NELFA: variants seen among roughly 807,000 people sequenced by gnomAD.
NELFA encodes negative elongation factor A.
In NELFA, 35 loss-of-function variants were observed where a neutral mutation model predicts 51.8. That is an observed-to-expected ratio of 0.68 (90% CI 0.52 to 0.90). The LOEUF is 0.90. NELFA is among the 40% of genes least tolerant of loss of function. The pLI is 0.00. For synonymous variants in NELFA, 417 were observed against 338.4 expected (o/e 1.23, Z -2.55); for missense variants, 658 against 746.4 (o/e 0.88, Z 1.38).
At chr4:2,000,142 TA>T (rs1210318595) in intron 1 of NELFA, among the ~76,000 whole-genome samples, 1 of 152,196 alleles carries the variant, frequency 6.6e-6, no homozygotes, top group Non-Finnish European at 1.5e-5. Flanking sequence ...GGGAAATTTA[TA>T]GCATTAAATG....
chr4:1,990,472 C>T (rs1393220235), intron 2 of NELFA: 1 of 456,604 alleles, frequency 2.2e-6, no homozygotes, highest in Non-Finnish European at 4.4e-6. Context: ...AGCCTTCCTG[C>T]CCGCGGGACA....
chr4:2,008,633 T>G (rs1240093607), intron 1 of NELFA, 117 bp downstream of exon 1: 1 of 1,177,438 alleles, frequency 8.5e-7, no homozygotes, highest in Admixed American at 2.8e-5. Flanking sequence ...GGGTTAACAG[T>G]CTGAAGGGGG....
chr4:2,000,484 A>G (rs1057046184), intron 1 of NELFA, among the ~76,000 whole-genome samples: 3 of 152,180 alleles, frequency 2.0e-5, no homozygotes, highest in Non-Finnish European at 4.4e-5. Flanking sequence ...AACTGACCCC[A>G]CAGAAATACA....
In NELFA at chr4:1,986,422, A is replaced by G. The variant is rs984129819; in HGVS notation, c.635-20T>C. On this transcript the variant is annotated intron_variant, in intron 4 of 10. Coordinates refer to ENST00000382882, the MANE Select transcript of NELFA (RefSeq NM_005663.5). ...GTGGGGCTGGAGGACGGCAACAGTC[A>G]GGGCGCCAGCAGCAGTGACCGGCAA... 1.2e-6 allele frequency: 2 copies of G among 1,612,554 alleles called. No homozygotes were observed. The highest frequency in any genetic ancestry group is 2.7e-5 in the African/African-American group (2 of 74,900).
At chr4:1,990,467 T>G (rs1395692164) in intron 2 of NELFA, 2 of 456,686 alleles carry the variant, frequency 4.4e-6, no homozygotes, top group Non-Finnish European at 8.8e-6. Flanking sequence ...GCCTCAGCCT[T>G]CCTGCCCGCG....
At chr4:1,987,276 G>A (rs961997514) in intron 4 of NELFA, among the ~76,000 whole-genome samples, 1 of 152,170 alleles carries the variant, frequency 6.6e-6, no homozygotes, top group Non-Finnish European at 1.5e-5. Flanking sequence ...AGCACAGGAC[G>A]ACACCCGTCC....
In NELFA at chr4:1,986,168, C is replaced by A; in HGVS notation, c.781G>T (p.Glu261Ter). ...ERGVKLLDIS[E>*]LDMVGAGREA... ...CGGCCAGCGCCAACCATATCCAGCT[C>A]AGAGATGTCCAGCAGCTGCCAAGAC... The change falls in exon 6 of 11, where the codon GAG (glutamate) becomes TAG (stop). Residue 261 changes from glutamate (E) to a stop codon, truncating the protein, a stop_gained. Transcript: ENST00000382882. LOFTEE classifies it high-confidence loss of function. 6.4e-7 allele frequency: 1 copy of A among 1,557,926 alleles called. No homozygotes were observed. The highest frequency in any genetic ancestry group is 2.4e-5 in the East Asian group (1 of 41,436).
In NELFA at chr4:1,989,900, C is replaced by G. The variant is rs373044521; in HGVS notation, c.383-31G>C. The G allele has an allele frequency of 1.2e-6, 2 of 1,600,920 alleles. No individual in the cohort carries two copies. The highest frequency in any genetic ancestry group is 1.7e-6 in the Non-Finnish European group (2 of 1,173,214). ...GGTAAGAACCACATGAAGTTAGGGG[C>G]GCCCAGGCCGCAGACCTCCCGGCTG... On this transcript the variant is annotated intron_variant, in intron 2 of 10. Transcript: ENST00000382882. This position sits in a 1 kb window ranked among gnomAD's most constrained non-coding sequence, Gnocchi z 4.8.
intron 1 of NELFA, among the ~76,000 whole-genome samples, chr4:2,008,547 T>G: frequency 5.4e-5 from 6 of 111,440 alleles, no homozygotes; most frequent in South Asian, 3.4e-4. Context: ...AGGCGGGGGA[T>G]GAGGACCCAG....
chr4:2,002,927 A>C (rs1422327158), intron 1 of NELFA, among the ~76,000 whole-genome samples: 1 of 152,226 alleles, frequency 6.6e-6, no homozygotes, highest in Non-Finnish European at 1.5e-5. Flanking sequence ...AAAAGAAACT[A>C]TCATCAGAGT....
rs573787699 is a variant in NELFA at position 1,996,413 on chromosome 4, AC to A, written c.211-4699del. ...TTTATGGACATACGCACATACACAC[AC>A]GAAAAGAAGCCTGAGATTGGCATCC... On this transcript the variant is annotated intron_variant, in intron 1 of 10. Transcript: ENST00000382882. Among the ~76,000 whole-genome samples the A allele has an allele frequency of 2.6e-4, 40 of 152,346 alleles. No individual in the cohort carries two copies. The East Asian group carries it at 7.7e-3, about 29-fold the overall frequency.
At position 1,989,883 on chromosome 4, in the gene NELFA, C is replaced by T. The variant is rs1728221270; in HGVS notation, c.383-14G>A. On this transcript the variant is annotated splice_polypyrimidine_tract_variant and intron_variant, in intron 2 of 10. Transcript: ENST00000382882. The surrounding 1 kb of genome is among the most constrained non-coding windows in gnomAD (Gnocchi z 4.8). ...CACACTCACCCACTGCCGGTAAGAACCACATGAAGTTAGGGGCGCCCAGGC... is the reference window on the plus strand; with the variant it reads ...CACACTCACCCACTGCCGGTAAGAATCACATGAAGTTAGGGGCGCCCAGGC... 6.2e-7 allele frequency: 1 copy of T among 1,610,698 alleles called. No homozygotes were observed. Among genetic ancestry groups the T allele is most frequent in the Non-Finnish European group, 8.5e-7 (1 of 1,178,264 alleles).
intron 1 of NELFA, among the ~76,000 whole-genome samples, chr4:1,993,843 C>T (rs1182725687): frequency 6.7e-6 from 1 of 149,256 alleles, no homozygotes; most frequent in Non-Finnish European, 1.5e-5. Context: ...TGTCGTCGCC[C>T]GGGCTGGAGT....
At chr4:1,998,404 TA>T (rs1250506503) in intron 1 of NELFA, among the ~76,000 whole-genome samples, 3 of 151,426 alleles carry the variant, frequency 2.0e-5, no homozygotes, top group Admixed American at 6.6e-5. Flanking sequence ...AGAACCTTGA[TA>T]AAAGGTCAGA....
Position 1,989,916 on chromosome 4 carries a change from C to G in NELFA, c.383-47G>C, listed in dbSNP as rs756058420. 5 of 1,587,750 alleles carry G rather than the reference C, an allele frequency of 3.1e-6. No homozygotes were observed. The East Asian group carries it at 9.0e-5, about 28-fold the overall frequency. ...AGTTAGGGGCGCCCAGGCCGCAGACCTCCCGGCTGAGAGGAGCTGGCGGCT... is the reference window on the plus strand; with the variant it reads ...AGTTAGGGGCGCCCAGGCCGCAGACGTCCCGGCTGAGAGGAGCTGGCGGCT... On this transcript the variant is annotated intron_variant, in intron 2 of 10. Transcript: ENST00000382882. The surrounding 1 kb of genome is among the most constrained non-coding windows in gnomAD (Gnocchi z 4.8).
intron 3 of NELFA, among the ~76,000 whole-genome samples, chr4:1,988,573 C>T (rs1728182332): frequency 2.0e-5 from 3 of 152,212 alleles, no homozygotes; most frequent in South Asian, 4.1e-4. Flanking sequence ...TCCCGGACAG[C>T]GCTGGGCCCT....
At chr4:2,000,829 G>A (rs866589469) in intron 1 of NELFA, among the ~76,000 whole-genome samples, 5 of 152,222 alleles carry the variant, frequency 3.3e-5, no homozygotes, top group African/African-American at 9.6e-5. Context: ...CCAAAACTGG[G>A]AAGAGACAAC....
intron 1 of NELFA, among the ~76,000 whole-genome samples, chr4:2,002,582 A>G (rs777248346): frequency 2.6e-5 from 4 of 152,160 alleles, no homozygotes; most frequent in Non-Finnish European, 5.9e-5. Flanking sequence ...AACACCACAC[A>G]TCTACCAGCA....
chr4:1,983,460 C>T lies in NELFA; in HGVS notation c.1446G>A (p.Leu482=). ...QEQGDVIQIK[L]SEHTEDLPKA... ...TGGGCAGGTCCTCCGTGTGCTCGCT[C>T]AGCTTGATCTGGATCACGTCCCCCT... Residue 482 remains leucine, a synonymous_variant, in exon 11 of 11, where the codon CTG becomes CTA. Coordinates refer to ENST00000382882, the MANE Select transcript of NELFA (RefSeq NM_005663.5). 2 of 1,614,170 alleles carry T rather than the reference C, an allele frequency of 1.2e-6. No homozygotes were observed. The highest frequency in any genetic ancestry group is 1.7e-6 in the Non-Finnish European group (2 of 1,180,030).
Sources: allele counts gnomAD v4.1 joint callset (sites outside exome capture counted in the v4.1 genomes callset), GRCh38; gene constraint gnomAD v4.1.1; non-coding constraint Gnocchi (gnomAD v3.1); transcripts MANE v1.5; gene names NCBI Gene and HGNC (gene_info 2026-07-23, HGNC 2026-07-21).